Variants in CCDC12 observed in about 807,000 individuals in gnomAD.
The protein encoded by CCDC12 is coiled-coil domain-containing protein 12.
In CCDC12, 28 loss-of-function variants were observed where a neutral mutation model predicts 25.7. The ratio of observed to expected loss-of-function variants is 1.09; its 90% CI spans 0.81 to 1.50. CCDC12 has a LOEUF of 1.50. Ranked by LOEUF, CCDC12 falls within the 40% of genes most tolerant of loss-of-function variation. The pLI, the probability that CCDC12 is intolerant of heterozygous loss-of-function variation, is 0.00. For missense variants in CCDC12, 198 were observed against 210.0 expected (o/e 0.94, Z 0.35); for synonymous variants, 75 against 87.7 (o/e 0.86, Z 0.81).
upstream of CCDC12, among the ~76,000 whole-genome samples, chr3:46,978,172 C>G (rs146161027): frequency 6.6e-6 from 1 of 152,218 alleles, no homozygotes; most frequent in Non-Finnish European, 1.5e-5. Context: ...ATCTAGCCCT[C>G]CCTTCACTAA....
At chr3:46,938,068 G>A (rs1463003135) in intron 2 of CCDC12, among the ~76,000 whole-genome samples, 1 of 152,204 alleles carries the variant, frequency 6.6e-6, no homozygotes, top group African/African-American at 2.4e-5. Flanking sequence ...ACGACTGGGA[G>A]GCAAACCTGT....
intron 2 of CCDC12, among the ~76,000 whole-genome samples, chr3:46,940,378 G>A (rs1266741939): frequency 6.6e-6 from 1 of 152,236 alleles, no homozygotes; most frequent in Non-Finnish European, 1.5e-5. Flanking sequence ...GACCCAACCA[G>A]ATGAGAGTAT....
chr3:46,942,882 G>A (rs2033764612), intron 1 of CCDC12, among the ~76,000 whole-genome samples: 1 of 152,202 alleles, frequency 6.6e-6, no homozygotes, highest in African/African-American at 2.4e-5. Flanking sequence ...GGGGAGAGAA[G>A]TGGGAAGGGC....
chr3:46,963,441 GTCTCCC>G (rs141345393), intron 1 of CCDC12, among the ~76,000 whole-genome samples: 5 of 126,592 alleles, frequency 3.9e-5, no homozygotes, highest in South Asian at 2.3e-4. Context: ...TCTCCTCACG[GTCTCCC>G]TCTCCCTCTC....
chr3:46,938,672 G>A (rs527700832), intron 2 of CCDC12, among the ~76,000 whole-genome samples: 4 of 151,800 alleles, frequency 2.6e-5, no homozygotes, highest in South Asian at 4.2e-4. Context: ...GCAACCTGGT[G>A]AAACCATGTT....
chr3:46,963,502 C>T (rs1208696796), intron 1 of CCDC12, among the ~76,000 whole-genome samples: 1 of 152,096 alleles, frequency 6.6e-6, no homozygotes, highest in African/African-American at 2.4e-5. Context: ...CCCTCTGATG[C>T]CCAGCCGAAG....
At chr3:46,969,631 C>T (rs2034742805) in intron 1 of CCDC12, among the ~76,000 whole-genome samples, 2 of 152,182 alleles carry the variant, frequency 1.3e-5, no homozygotes. Context: ...CCCAAATCAG[C>T]ATCTGATGGA....
At chr3:46,978,239 G>A (rs1054250099), upstream of CCDC12, among the ~76,000 whole-genome samples, 38 of 152,184 alleles carry the variant, frequency 2.5e-4, 1 homozygote, top group African/African-American at 8.9e-4. Flanking sequence ...TAGTGGATGG[G>A]TTGCTCTGCC....
At chr3:46,947,464 C>T (rs1420387647) in intron 1 of CCDC12, among the ~76,000 whole-genome samples, 1 of 152,206 alleles carries the variant, frequency 6.6e-6, no homozygotes, top group Non-Finnish European at 1.5e-5. Context: ...GAGTCTGACT[C>T]ACCCTGAAGA....
intron 1 of CCDC12, among the ~76,000 whole-genome samples, chr3:46,943,474 T>C (rs1490868073): frequency 1.3e-5 from 2 of 152,162 alleles, no homozygotes; most frequent in South Asian, 2.1e-4. Context: ...ACTGGGCTAG[T>C]GGGGCAAGAC....
intron 2 of CCDC12, among the ~76,000 whole-genome samples, chr3:46,937,506 G>T (rs1004829746): frequency 3.3e-5 from 5 of 152,208 alleles, no homozygotes; most frequent in African/African-American, 9.6e-5. Flanking sequence ...AGCCGAGGAA[G>T]AAGGATGCTC....
chr3:46,940,644 C>G, intron 2 of CCDC12: 1 of 256,022 alleles, frequency 3.9e-6, no homozygotes, highest in African/African-American at 2.2e-5. Context: ...GCTAGATGGT[C>G]CAGGCAGAGC....
upstream of CCDC12, chr3:46,976,758 C>T: frequency 4.4e-6 from 7 of 1,588,050 alleles, no homozygotes; most frequent in Non-Finnish European, 6.0e-6. Flanking sequence ...CCCTCCTTTT[C>T]TCCCGTCTTG....
intron 1 of CCDC12, among the ~76,000 whole-genome samples, chr3:46,942,841 G>C (rs528618015): frequency 6.6e-6 from 1 of 152,304 alleles, no homozygotes; most frequent in East Asian, 1.9e-4. Context: ...ACTGAGAGAT[G>C]GGCTGGGCAG....
chr3:46,946,033 G>T (rs1449672420), intron 1 of CCDC12, among the ~76,000 whole-genome samples: 5 of 152,170 alleles, frequency 3.3e-5, no homozygotes, highest in Admixed American at 1.3e-4. Context: ...CATGAAGCGT[G>T]GGGGCAGAAT....
At chr3:46,962,434 C>CAAAAAAAAAAAAAAAAAAAA (rs33969115) in intron 1 of CCDC12, among the ~76,000 whole-genome samples, 1 of 63,182 alleles carries the variant, frequency 1.6e-5, no homozygotes, top group African/African-American at 6.6e-5. Flanking sequence ...AACTCTATCT[C>CAAAAAAAAAAAAAAAAAAAA]AAAAAAAAAA....
chr3:46,936,940 TGA>T (rs1327090418), intron 2 of CCDC12, among the ~76,000 whole-genome samples: 2 of 152,122 alleles, frequency 1.3e-5, no homozygotes, highest in African/African-American at 2.4e-5. Flanking sequence ...TGGGATGGAA[TGA>T]CTCAGGGAGG....
chr3:46,973,751 T>A (rs906310814), intron 1 of CCDC12, among the ~76,000 whole-genome samples: 2 of 151,720 alleles, frequency 1.3e-5, no homozygotes, highest in Non-Finnish European at 2.9e-5. Context: ...TAGCTGGGAC[T>A]ACAGGCGCCC....
At chr3:46,957,958 A>ACAC (rs1559561484) in intron 1 of CCDC12, among the ~76,000 whole-genome samples, 3 of 28,030 alleles carry the variant, frequency 1.1e-4, no homozygotes, top group African/African-American at 2.1e-4. Flanking sequence ...TAAAAAAATA[A>ACAC]ATACACACAC....
Sources: gnomAD v4.1 joint callset for allele counts (sites outside exome capture counted in the v4.1 genomes callset) on GRCh38, gnomAD v4.1.1 for gene constraint, MANE v1.5 for transcripts, NCBI Gene and HGNC (gene_info 2026-07-23, HGNC 2026-07-21) for gene names.